The following TMEM131L variants were observed in gnomAD, a reference collection of about 807,000 sequenced individuals.
TMEM131L encodes transmembrane 131 like.
TMEM131L carries 54 observed loss-of-function variants against 192.2 expected under a neutral mutation model. The observed-to-expected ratio is 0.28, with a 90% CI of 0.23 to 0.35. The LOEUF (loss-of-function observed/expected upper bound fraction) is 0.35, where lower values mean the gene tolerates loss of function less well. TMEM131L is among the 10% of genes least tolerant of loss of function. TMEM131L has a pLI of 1.00. For missense variants in TMEM131L, 1,888 were observed against 1,972.9 expected (o/e 0.96, Z 0.82); for synonymous variants, 701 against 704.9 (o/e 0.99, Z 0.09).
intron 17 of TMEM131L, among the ~76,000 whole-genome samples, chr4:153,591,842 T>G (rs1249264474): frequency 1.3e-5 from 2 of 152,172 alleles, no homozygotes; most frequent in African/African-American, 2.4e-5. Context: ...AAGAGTAGTA[T>G]ATCAGGAGCT....
At chr4:153,508,869 C>T (rs545906477) in intron 3 of TMEM131L, among the ~76,000 whole-genome samples, 36 of 151,820 alleles carry the variant, frequency 2.4e-4, no homozygotes, top group Non-Finnish European at 4.9e-4. Context: ...GTCTCAAACT[C>T]CTGAGCTCAA....
At chr4:153,470,538 A>G (rs939502410) in intron 2 of TMEM131L, among the ~76,000 whole-genome samples, 1 of 152,218 alleles carries the variant, frequency 6.6e-6, no homozygotes, top group African/African-American at 2.4e-5. Flanking sequence ...GAGGAAAAAT[A>G]TATATGATTT....
intron 26 of TMEM131L, among the ~76,000 whole-genome samples, chr4:153,617,668 T>G (rs1331858298): frequency 1.3e-5 from 2 of 152,212 alleles, no homozygotes; most frequent in Non-Finnish European, 2.9e-5. Context: ...TCTAACCTAG[T>G]TCTGCTTCCA....
intron 3 of TMEM131L, among the ~76,000 whole-genome samples, chr4:153,517,358 T>C (rs1231588594): frequency 2.6e-5 from 4 of 152,214 alleles, no homozygotes; most frequent in Non-Finnish European, 4.4e-5. Context: ...CACAGACATG[T>C]TCTCTCATCC....
chr4:153,633,089 C>A, intron 32 of TMEM131L: 1 of 318,862 alleles, frequency 3.1e-6, no homozygotes, highest in South Asian at 6.9e-5. Context: ...TTAAAAAAGA[C>A]GATTTTTTCA....
chr4:153,527,281 T>TGG (rs141690300), intron 3 of TMEM131L, among the ~76,000 whole-genome samples: 9 of 151,798 alleles, frequency 5.9e-5, no homozygotes, highest in Non-Finnish European at 1.2e-4. Flanking sequence ...TTTTTCTTTG[T>TGG]GGGGGGGCGG....
rs1578796513 is a variant in TMEM131L at position 153,582,432 on chromosome 4, T to TG, written c.893-757dup. On this transcript the variant is annotated intron_variant, in intron 9 of 34. Coordinates refer to ENST00000409959, the MANE Select transcript of TMEM131L (RefSeq NM_001131007.2). ...GCTAATTTAAACCGTTTTTTTTTGT[T>TG]GTTTTTTTTTTTTTTTTTTTTTTTT... Among the ~76,000 whole-genome samples the TG allele has an allele frequency of 4.6e-5, 5 of 107,556 alleles. No homozygotes were observed. In the East Asian group the frequency reaches 8.9e-4, roughly 19 times the overall value. 70.6% of individuals were successfully genotyped at this position (107,556 alleles called of 152,430 possible).
chr4:153,578,527 T>G (rs1730115994), intron 7 of TMEM131L, among the ~76,000 whole-genome samples: 1 of 150,720 alleles, frequency 6.6e-6, no homozygotes, highest in Non-Finnish European at 1.5e-5. Flanking sequence ...AGCTAGTTTT[T>G]TTTTTTTTTT....
At chr4:153,491,870 C>T (rs1400773376) in intron 3 of TMEM131L, among the ~76,000 whole-genome samples, 1 of 152,108 alleles carries the variant, frequency 6.6e-6, no homozygotes, top group Non-Finnish European at 1.5e-5. Flanking sequence ...CCGTGTCTGG[C>T]TAATTTTAAA....
At chr4:153,537,537 G>A (rs947553889) in intron 3 of TMEM131L, among the ~76,000 whole-genome samples, 1 of 152,166 alleles carries the variant, frequency 6.6e-6, no homozygotes, top group African/African-American at 2.4e-5. Flanking sequence ...TGACCGTATA[G>A]GGTAACATAC....
At chr4:153,584,797 G>A (rs951607379) in intron 11 of TMEM131L, 38 bp from the exon 12 acceptor site, 2 of 1,421,478 alleles carry the variant, frequency 1.4e-6, no homozygotes, top group South Asian at 1.2e-5. Context: ...GAAAGAAAAG[G>A]TACTTAAGCT....
intron 3 of TMEM131L, among the ~76,000 whole-genome samples, chr4:153,500,965 A>G (rs1351095594): frequency 2.0e-5 from 3 of 152,202 alleles, no homozygotes; most frequent in African/African-American, 7.2e-5. Flanking sequence ...AAGAAATGCT[A>G]TCAGTTGATA....
chr4:153,609,611 G>C (rs1732476970), intron 25 of TMEM131L, among the ~76,000 whole-genome samples: 1 of 152,110 alleles, frequency 6.6e-6, no homozygotes, highest in African/African-American at 2.4e-5. Context: ...CCTGATTCTT[G>C]GCCCCATAGA....
intron 3 of TMEM131L, 63 bp from the exon 4 acceptor site, chr4:153,550,010 G>A (rs1433695780): frequency 6.5e-6 from 5 of 770,534 alleles, no homozygotes; most frequent in Admixed American, 6.2e-5. Flanking sequence ...GTCTAAGTAC[G>A]TTATATCTCA....
chr4:153,535,047 C>T (rs924376703), intron 3 of TMEM131L, among the ~76,000 whole-genome samples: 1 of 152,168 alleles, frequency 6.6e-6, no homozygotes, highest in African/African-American at 2.4e-5. Flanking sequence ...GCTGGCAGTG[C>T]TGAGCCTGGG....
intron 7 of TMEM131L, among the ~76,000 whole-genome samples, chr4:153,572,167 C>G (rs1181667027): frequency 6.6e-6 from 1 of 152,046 alleles, no homozygotes; most frequent in African/African-American, 2.4e-5. Context: ...TCACCTCAGA[C>G]ATTTATCATT....
In TMEM131L at chr4:153,636,371, G is replaced by T; in HGVS notation, c.4628G>T (p.Ser1543Ile). The T allele has an allele frequency of 1.2e-6, 2 of 1,614,082 alleles. No individual in the cohort carries two copies. The highest frequency in any genetic ancestry group is 2.2e-5 in the South Asian group (2 of 91,082). ...GLFGSIWAPQ[S>I]DVYENCCPIN... ...TTTGGTTCCATCTGGGCCCCGCAAA[G>T]CGATGTGTATGAAAATTGCTGCCCC... Residue 1543 changes from serine to isoleucine, a missense_variant, in exon 35 of 35, where the codon AGC becomes ATC. Physicochemically the swap from Ser to Ile is moderately radical, Grantham distance 142 (BLOSUM62 -2). Transcript: ENST00000409959.
intron 3 of TMEM131L, among the ~76,000 whole-genome samples, chr4:153,474,439 C>T (rs1731382900): frequency 6.6e-6 from 1 of 152,180 alleles, no homozygotes. Context: ...GGTGCAAAGG[C>T]CCTAAGGCTG....
intron 3 of TMEM131L, among the ~76,000 whole-genome samples, chr4:153,535,549 G>A (rs1261732948): frequency 6.6e-6 from 1 of 151,986 alleles, no homozygotes; most frequent in Non-Finnish European, 1.5e-5. Context: ...GGGAAGTGAA[G>A]CAACATAACA....
Sources: allele counts gnomAD v4.1 joint callset (sites outside exome capture counted in the v4.1 genomes callset), GRCh38; gene constraint gnomAD v4.1.1; transcripts MANE v1.5; gene names NCBI Gene and HGNC (gene_info 2026-07-23, HGNC 2026-07-21).